Variants in TMPRSS15 observed in about 807,000 individuals in gnomAD.
The protein encoded by TMPRSS15 is enteropeptidase.
Under a neutral mutation model 125.3 loss-of-function variants are expected in TMPRSS15, and 128 were observed. The observed-to-expected ratio is 1.02, with a 90% CI of 0.89 to 1.18. The LOEUF (loss-of-function observed/expected upper bound fraction) is 1.18, where lower values mean the gene tolerates loss of function less well. Among genes scored for constraint, TMPRSS15 ranks in the 50% most tolerant of loss-of-function variants. The pLI, the probability that TMPRSS15 is intolerant of heterozygous loss-of-function variation, is 0.00. For synonymous variants in TMPRSS15, 446 were observed against 423.2 expected (o/e 1.05, Z -0.66); for missense variants, 1,283 against 1,212.7 (o/e 1.06, Z -0.86).
At chr21:18,344,241 G>GT (rs1192258606) in intron 10 of TMPRSS15, among the ~76,000 whole-genome samples, 181 bp from the exon 11 acceptor site, 1 of 152,094 alleles carries the variant, frequency 6.6e-6, no homozygotes, top group Non-Finnish European at 1.5e-5. Flanking sequence ...ATAACAGATT[G>GT]TTATTGACAA....
chr21:18,475,097 G>GT (rs887092432), intron 1 of TMPRSS15, among the ~76,000 whole-genome samples: 3 of 151,986 alleles, frequency 2.0e-5, no homozygotes, highest in South Asian at 2.1e-4. Context: ...CCATTGTTTT[G>GT]TTTTTTTCCA....
chr21:18,361,949 C>T (rs2075683071), intron 7 of TMPRSS15, among the ~76,000 whole-genome samples: 2 of 151,778 alleles, frequency 1.3e-5, no homozygotes, highest in African/African-American at 4.8e-5. Context: ...TTCAGCAGTT[C>T]CAGAGTGTAT....
intron 1 of TMPRSS15, among the ~76,000 whole-genome samples, chr21:18,456,251 T>C (rs543392018): frequency 1.3e-5 from 2 of 152,262 alleles, no homozygotes; most frequent in African/African-American, 2.4e-5. Flanking sequence ...AGGAGATTCC[T>C]TAGAACTTCA....
At chr21:18,306,911 G>T (rs2075045069) in intron 18 of TMPRSS15, among the ~76,000 whole-genome samples, 1 of 149,996 alleles carries the variant, frequency 6.7e-6, no homozygotes, top group East Asian at 1.9e-4. Flanking sequence ...AAATGAAAAG[G>T]TTTAATATAA....
intron 1 of TMPRSS15, among the ~76,000 whole-genome samples, chr21:18,418,232 A>G (rs892673234): frequency 2.6e-5 from 4 of 152,216 alleles, no homozygotes; most frequent in Non-Finnish European, 4.4e-5. Flanking sequence ...TACCCAAAAT[A>G]CAGTGTCTAA....
intron 18 of TMPRSS15, among the ~76,000 whole-genome samples, chr21:18,307,370 G>A (rs1006347884): frequency 3.3e-5 from 5 of 152,298 alleles, no homozygotes; most frequent in East Asian, 3.9e-4. Flanking sequence ...ACTACGATTC[G>A]TGGGAAATGG....
chr21:18,459,090 T>A (rs1040641359), intron 1 of TMPRSS15, among the ~76,000 whole-genome samples: 12 of 152,212 alleles, frequency 7.9e-5, no homozygotes, highest in African/African-American at 2.9e-4. Context: ...CATAGGTATA[T>A]AAAGTGTACA....
chr21:18,440,371 T>TGAAAAAAAAAAA (rs2076238473), intron 1 of TMPRSS15, among the ~76,000 whole-genome samples: 1 of 5,548 alleles, frequency 1.8e-4, no homozygotes, highest in African/African-American at 3.3e-4. Context: ...AAACTCCGTC[T>TGAAAAAAAAAAA]CAAAAAAAAA....
At chr21:18,478,221 C>A in intron 1 of TMPRSS15, among the ~76,000 whole-genome samples, 1 of 151,852 alleles carries the variant, frequency 6.6e-6, no homozygotes, top group East Asian at 1.9e-4. Flanking sequence ...GTCATGTTTC[C>A]TTTTTAGTAC....
At chr21:18,394,415 A>G (rs2076015272) in intron 3 of TMPRSS15, among the ~76,000 whole-genome samples, 1 of 152,164 alleles carries the variant, frequency 6.6e-6, no homozygotes, top group Non-Finnish European at 1.5e-5. Context: ...CTCAGATGAA[A>G]CAAAAAAAAT....
rs183430858 is a variant in TMPRSS15 at position 18,312,253 on chromosome 21, A to G, written c.2165+692T>C. 4.6e-5 allele frequency among the ~76,000 whole-genome samples: 7 copies of G among 152,070 alleles called. No homozygotes were observed. In the East Asian group the frequency reaches 1.4e-3, roughly 30 times the overall value. On this transcript the variant is annotated intron_variant, in intron 18 of 24. Transcript: ENST00000284885. ...CTACCTAATTACTTAATTACTTTTA[A>G]GACTTGATGGGAAGGTAAAAAACAA... is the stretch of plus-strand genomic sequence containing the variant.
At chr21:18,414,846 A>G (rs1011862614) in intron 1 of TMPRSS15, among the ~76,000 whole-genome samples, 1 of 152,100 alleles carries the variant, frequency 6.6e-6, no homozygotes, top group African/African-American at 2.4e-5. Context: ...TCTCTTTGTG[A>G]CCCTGATTTC....
Position 18,403,463 on chromosome 21 carries a change from C to A in TMPRSS15, c.145+15G>T. 6.2e-7 allele frequency: 1 copy of A among 1,614,132 alleles called. No individual in the cohort carries two copies. Reference sequence around the variant, plus strand: ...AGCTGAGAGCACCTTCACGAGCCAACTCCATGTGACTTACCTCGTTGGGAT... The same window carrying A: ...AGCTGAGAGCACCTTCACGAGCCAAATCCATGTGACTTACCTCGTTGGGAT... On this transcript the variant is annotated intron_variant, in intron 1 of 24. Transcript: ENST00000284885.
chr21:18,468,080 G>A (rs1348577025), intron 1 of TMPRSS15, among the ~76,000 whole-genome samples: 1 of 151,966 alleles, frequency 6.6e-6, no homozygotes. Context: ...ATATATAGTT[G>A]GTTATTTAAA....
At chr21:18,396,854 A>ATC (rs2076046215) in intron 3 of TMPRSS15, among the ~76,000 whole-genome samples, 3 of 117,702 alleles carry the variant, frequency 2.5e-5, no homozygotes, top group Non-Finnish European at 5.3e-5. Context: ...ATCTATCTTA[A>ATC]GTCACAAAAG....
chr21:18,409,412 T>C (rs560407479), intron 1 of TMPRSS15, among the ~76,000 whole-genome samples: 17 of 152,222 alleles, frequency 1.1e-4, no homozygotes, highest in African/African-American at 3.8e-4. Flanking sequence ...TTTTTGTGTT[T>C]TTGTTGTTCA....
At chr21:18,392,217 C>A (rs1312668366) in intron 3 of TMPRSS15, among the ~76,000 whole-genome samples, 3 of 152,138 alleles carry the variant, frequency 2.0e-5, no homozygotes, top group African/African-American at 7.2e-5. Context: ...TCAATTTGTC[C>A]CCAGGAAATG....
Position 18,347,197 on chromosome 21 carries a change from A to C in TMPRSS15, c.1172-3137T>G, listed in dbSNP as rs889678040. On this transcript the variant is annotated intron_variant, in intron 10 of 24. Transcript: ENST00000284885. ...CTTTTTCTTTTGAATTCTCGGTGGC[A>C]CTTTGTACTTCTCTGATGTCATTCG... Among the ~76,000 whole-genome samples the C allele has an allele frequency of 4.7e-5, 7 of 149,690 alleles. No homozygotes were observed. In the South Asian group the frequency reaches 6.4e-4, roughly 14 times the overall value.
chr21:18,419,415 T>A (rs1017078179), intron 1 of TMPRSS15, among the ~76,000 whole-genome samples: 1 of 152,006 alleles, frequency 6.6e-6, no homozygotes, highest in Non-Finnish European at 1.5e-5. Flanking sequence ...TTAGTAGAGA[T>A]GGGGTTTCAC....
Sources: gnomAD v4.1 joint callset for allele counts (sites outside exome capture counted in the v4.1 genomes callset) on GRCh38, gnomAD v4.1.1 for gene constraint, MANE v1.5 for transcripts, NCBI Gene and HGNC (gene_info 2026-07-23, HGNC 2026-07-21) for gene names.